SPOP: variants seen among roughly 807,000 people sequenced by gnomAD.
SPOP encodes speckle-type POZ protein.
In SPOP, 11 loss-of-function variants were observed where a neutral mutation model predicts 45.6. The ratio of observed to expected loss-of-function variants is 0.24; its 90% CI spans 0.15 to 0.40. The LOEUF (loss-of-function observed/expected upper bound fraction) is 0.40, where lower values mean the gene tolerates loss of function less well. Among genes scored for constraint, SPOP ranks in the 10% least tolerant of loss-of-function variants. The pLI is 1.00. For synonymous variants in SPOP, 166 were observed against 166.3 expected, an observed-to-expected ratio of 1.00 and a Z score of 0.01; for missense variants, 152 against 465.6, an observed-to-expected ratio of 0.33 and a Z score of 6.20.
At chr17:49,624,646 T>C (rs757575831) in intron 1 of SPOP, among the ~76,000 whole-genome samples, 4 of 151,972 alleles carry the variant, frequency 2.6e-5, no homozygotes, top group Non-Finnish European at 5.9e-5. Flanking sequence ...TAATTTTTTG[T>C]ATTTTTTTGT....
intron 3 of SPOP, 98 bp downstream of exon 3, chr17:49,621,848 G>T: frequency 7.4e-7 from 1 of 1,353,796 alleles, no homozygotes; most frequent in Non-Finnish European, 1.0e-6. Flanking sequence ...CAAAAGTCCT[G>T]GCCTTCATGG....
In SPOP at chr17:49,619,460, G is replaced by T. The variant is rs1476837473; in HGVS notation, c.201-75C>A. 1.4e-6 allele frequency: 2 copies of T among 1,480,812 alleles called. No individual in the cohort carries two copies. The highest frequency in any genetic ancestry group is 1.8e-6 in the Non-Finnish European group (2 of 1,107,126). 91.7% of individuals were successfully genotyped at this position (1,480,812 alleles called of 1,614,324 possible). ...AGAACTGGAAATCAGACTCAAGAGA[G>T]GGAGATGTTTAAAAAACAAATGCAG... On this transcript the variant is annotated intron_variant, in intron 3 of 9. Transcript: ENST00000504102. This position sits in a 1 kb window ranked among gnomAD's most constrained non-coding sequence, Gnocchi z 4.9.
intron 1 of SPOP, among the ~76,000 whole-genome samples, chr17:49,657,527 T>C (rs544214223): frequency 3.3e-5 from 5 of 150,494 alleles, no homozygotes; most frequent in South Asian, 2.1e-4. Context: ...GCCTCTCGAG[T>C]AGCTGGGATT....
chr17:49,654,134 T>C (rs537613428), intron 1 of SPOP, among the ~76,000 whole-genome samples: 1 of 152,338 alleles, frequency 6.6e-6, no homozygotes, highest in Non-Finnish European at 1.5e-5. Flanking sequence ...TTTGTCTTTG[T>C]CACTGACAAA....
Position 49,600,537 on chromosome 17 carries a change from G to A in SPOP, c.981-15C>T. 2 of 1,613,968 alleles carry A rather than the reference G, an allele frequency of 1.2e-6. No homozygotes were observed. The highest frequency in any genetic ancestry group is 1.7e-6 in the Non-Finnish European group (2 of 1,179,956). ...CCGAAGCATGACTAGGAGAAATGTG[G>A]AGAAATGGGTTACCAAAGGGAGTGA... On this transcript the variant is annotated splice_polypyrimidine_tract_variant and intron_variant, in intron 9 of 9. Coordinates refer to ENST00000504102, the MANE Select transcript of SPOP (RefSeq NM_001007228.2). This position sits in a 1 kb window ranked among gnomAD's most constrained non-coding sequence, Gnocchi z 4.2.
rs189515524 is a variant in SPOP, at chr17:49,618,945, G to A, written c.480+36C>T. 2.4e-5 allele frequency: 38 copies of A among 1,594,068 alleles called. No homozygotes were observed. The African/African-American group carries it at 3.8e-4, about 16-fold the overall frequency. On this transcript the variant is annotated intron_variant, in intron 5 of 9. Transcript: ENST00000504102. ...AAGTCTACCAATACTCATCAGATCT[G>A]GGAACTGCTAGTCTCAGCAGAATAC...
chr17:49,670,604 C>G (rs2073124077), intron 1 of SPOP, among the ~76,000 whole-genome samples: 1 of 152,182 alleles, frequency 6.6e-6, no homozygotes, highest in Non-Finnish European at 1.5e-5. Flanking sequence ...AGGAATTAGT[C>G]CACTCCGAAA....
At chr17:49,607,148 T>C (rs926554736) in intron 8 of SPOP, 102 bp downstream of exon 8, 3 of 1,509,482 alleles carry the variant, frequency 2.0e-6, no homozygotes, top group African/African-American at 2.8e-5. Flanking sequence ...CAAACCAAGA[T>C]ATATGCTCAT....
At chr17:49,646,992 G>C (rs2072768863) in intron 1 of SPOP, among the ~76,000 whole-genome samples, 1 of 152,076 alleles carries the variant, frequency 6.6e-6, no homozygotes, top group East Asian at 1.9e-4. Flanking sequence ...AACTCAGTAT[G>C]AAAGTATGTT....
intron 1 of SPOP, among the ~76,000 whole-genome samples, chr17:49,659,648 G>A (rs2072960865): frequency 2.0e-5 from 3 of 152,106 alleles, no homozygotes; most frequent in African/African-American, 7.2e-5. Context: ...ATGTTATTTA[G>A]ATACTTTCAA....
At chr17:49,650,588 T>C (rs111322186) in intron 1 of SPOP, among the ~76,000 whole-genome samples, 14 of 151,996 alleles carry the variant, frequency 9.2e-5, no homozygotes, top group African/African-American at 3.4e-4. Context: ...TCAAAAATAA[T>C]AATAACAATA....
At chr17:49,626,129 A>G (rs989027633) in intron 1 of SPOP, among the ~76,000 whole-genome samples, 2 of 152,154 alleles carry the variant, frequency 1.3e-5, no homozygotes, top group East Asian at 1.9e-4. Context: ...AACAATATGA[A>G]TCTTATAACT....
chr17:49,658,649 G>A (rs1403202115), intron 1 of SPOP, among the ~76,000 whole-genome samples: 1 of 152,168 alleles, frequency 6.6e-6, no homozygotes, highest in Non-Finnish European at 1.5e-5. Context: ...CATCGGCGGT[G>A]GCAGGACAGA....
chr17:49,667,178 TAAAAAA>T (rs36082208), intron 1 of SPOP, among the ~76,000 whole-genome samples: 25 of 103,614 alleles, frequency 2.4e-4, no homozygotes, highest in Non-Finnish European at 4.3e-4. Flanking sequence ...AACGCTGTCT[TAAAAAA>T]AAAAAAAAAA....
At position 49,619,669 on chromosome 17, in the gene SPOP, G is replaced by T. The variant is rs556499703; in HGVS notation, c.201-284C>A. 1.2e-4 allele frequency among the ~76,000 whole-genome samples: 19 copies of T among 152,178 alleles called. No homozygotes were observed. Among genetic ancestry groups the T allele is most frequent in the Admixed American group, 1.1e-3 (17 of 15,292 alleles). On this transcript the variant is annotated intron_variant, in intron 3 of 9. Transcript: ENST00000504102. The surrounding 1 kb of genome is among the most constrained non-coding windows in gnomAD (Gnocchi z 4.9). ...CCACCCCAGCCTCCCGAGTAGCGGG[G>T]ACTACAGATGTGCACCACCATGGCC... is the stretch of plus-strand genomic sequence containing the variant.
intron 1 of SPOP, among the ~76,000 whole-genome samples, chr17:49,631,812 T>C (rs141307510): frequency 1.8e-4 from 27 of 152,342 alleles, no homozygotes; most frequent in African/African-American, 6.5e-4. Flanking sequence ...GGGTCCTTCT[T>C]GTCATTTAGG....
chr17:49,625,986 G>GT (rs1278209342), intron 1 of SPOP, among the ~76,000 whole-genome samples: 4 of 152,168 alleles, frequency 2.6e-5, no homozygotes, highest in Non-Finnish European at 5.9e-5. Context: ...ACTTTTTGTA[G>GT]TGTTCTGCTT....
At chr17:49,672,359 T>A (rs2073146786) in intron 1 of SPOP, among the ~76,000 whole-genome samples, 1 of 152,150 alleles carries the variant, frequency 6.6e-6, no homozygotes. Flanking sequence ...GATAACTTAC[T>A]AATTACAAAG....
intron 1 of SPOP, among the ~76,000 whole-genome samples, chr17:49,632,213 A>C (rs1253316376): frequency 4.6e-5 from 7 of 152,216 alleles, no homozygotes; most frequent in Admixed American, 1.3e-4. Flanking sequence ...TAAAACAATA[A>C]AACATTTTAA....
Sources: gnomAD v4.1 joint callset for allele counts (sites outside exome capture counted in the v4.1 genomes callset) on GRCh38, gnomAD v4.1.1 for gene constraint, Gnocchi (gnomAD v3.1) non-coding constraint, MANE v1.5 for transcripts, NCBI Gene and HGNC (gene_info 2026-07-23, HGNC 2026-07-21) for gene names.